Variants in FERRY3 observed in about 807,000 individuals in gnomAD.
The protein encoded by FERRY3 is protein C12orf4.
the FERRY3 span, among the ~76,000 whole-genome samples, chr12:4,535,537 A>T: frequency 6.6e-6 from 1 of 152,244 alleles, no homozygotes; most frequent in Non-Finnish European, 1.5e-5. This position sits in a 1 kb window ranked among gnomAD's most constrained non-coding sequence, Gnocchi z 4.0. Flanking sequence ...AGACTGTGAG[A>T]TAGAGCACAG....
At chr12:4,492,212 C>T in the FERRY3 span, among the ~76,000 whole-genome samples, 1 of 151,900 alleles carries the variant, frequency 6.6e-6, no homozygotes, top group African/African-American at 2.4e-5. Context: ...TGAAAAATAA[C>T]TATTTTCTAA....
chr12:4,537,831 A>T, the FERRY3 span, among the ~76,000 whole-genome samples: 1 of 152,214 alleles, frequency 6.6e-6, no homozygotes, highest in Non-Finnish European at 1.5e-5. Flanking sequence ...TTTCATTCCT[A>T]AGTATATATC....
chr12:4,515,064 AAAACTT>A, the FERRY3 span, among the ~76,000 whole-genome samples: 2 of 151,920 alleles, frequency 1.3e-5, no homozygotes, highest in Non-Finnish European at 2.9e-5. Context: ...CATGTACCCT[AAAACTT>A]AAAGTATAAT....
At chr12:4,507,271 T>A in the FERRY3 span, among the ~76,000 whole-genome samples, 2 of 152,170 alleles carry the variant, frequency 1.3e-5, no homozygotes, top group African/African-American at 4.8e-5. Flanking sequence ...GGATATGAGT[T>A]CTTTTTGCGA....
the FERRY3 span, chr12:4,488,530 T>C: frequency 6.6e-6 from 1 of 152,178 alleles, no homozygotes; most frequent in African/African-American, 2.4e-5. The surrounding 1 kb of genome is among the most constrained non-coding windows in gnomAD (Gnocchi z 4.9). Context: ...CTGGAGTGGG[T>C]GTTCTTAGGG....
chr12:4,508,743 C>CA, the FERRY3 span: 5,623 of 130,628 alleles, frequency 0.043, 335 homozygotes, highest in African/African-American at 0.14. Context: ...GACTCTGTCT[C>CA]AAAAAAAAAA....
the FERRY3 span, among the ~76,000 whole-genome samples, chr12:4,495,817 AG>A: frequency 6.6e-6 from 1 of 152,206 alleles, no homozygotes; most frequent in Non-Finnish European, 1.5e-5. Context: ...ATACAAATTA[AG>A]AACTTCACAC....
the FERRY3 span, among the ~76,000 whole-genome samples, chr12:4,514,610 T>G: frequency 1.3e-4 from 19 of 151,230 alleles, no homozygotes; most frequent in African/African-American, 4.1e-4. Context: ...ATGGATGAAA[T>G]TGGAAATCAT....
chr12:4,518,721 A>T, the FERRY3 span: 3 of 1,004,434 alleles, frequency 3.0e-6, no homozygotes, highest in Non-Finnish European at 4.4e-6. Flanking sequence ...TAATTAAAAA[A>T]TAGTTTCAGA....
At chr12:4,507,237 A>G in the FERRY3 span, among the ~76,000 whole-genome samples, 12 of 152,176 alleles carry the variant, frequency 7.9e-5, no homozygotes, top group Non-Finnish European at 8.8e-5. Context: ...GTACGAGAAG[A>G]AGGAAGCTAT....
the FERRY3 span, among the ~76,000 whole-genome samples, chr12:4,510,097 T>C: frequency 2.9e-5 from 4 of 139,818 alleles, no homozygotes; most frequent in Non-Finnish European, 6.1e-5. Context: ...ACGTGAAGAA[T>C]GCAGAAGCCT....
chr12:4,516,259 A>T, the FERRY3 span, among the ~76,000 whole-genome samples: 8 of 152,220 alleles, frequency 5.3e-5, no homozygotes, highest in Admixed American at 5.2e-4. Context: ...CTTCAAGTAT[A>T]ACTATAGTAC....
the FERRY3 span, among the ~76,000 whole-genome samples, chr12:4,537,390 A>G: frequency 6.6e-6 from 1 of 152,212 alleles, no homozygotes; most frequent in Non-Finnish European, 1.5e-5. Flanking sequence ...TCTTGGCTAG[A>G]AAACAGTCTT....
the FERRY3 span, chr12:4,517,101 A>G: frequency 6.3e-7 from 1 of 1,594,548 alleles, no homozygotes; most frequent in South Asian, 1.2e-5. Context: ...GGGTTCTAGC[A>G]TAAAGTACCA....
chr12:4,498,985 A>T, the FERRY3 span, among the ~76,000 whole-genome samples: 1 of 152,142 alleles, frequency 6.6e-6, no homozygotes, highest in African/African-American at 2.4e-5. Flanking sequence ...GCAGTTTGGG[A>T]GCCCTGTTAT....
chr12:4,530,611 C>T, the FERRY3 span, among the ~76,000 whole-genome samples: 1 of 152,146 alleles, frequency 6.6e-6, no homozygotes, highest in Non-Finnish European at 1.5e-5. Context: ...ATACCTATAT[C>T]AAGATAAATG....
At chr12:4,516,931 TAAAA>T in the FERRY3 span, 5 of 939,686 alleles carry the variant, frequency 5.3e-6, no homozygotes, top group African/African-American at 7.0e-5. Context: ...AGAAAAAACT[TAAAA>T]AAATCTTAAT....
At chr12:4,525,658 ATCTCTAT>A in the FERRY3 span, 2 of 1,060,012 alleles carry the variant, frequency 1.9e-6, no homozygotes, top group Non-Finnish European at 2.8e-6. Flanking sequence ...TCATCAAACA[ATCTCTAT>A]AAAGTGAAAA....
chr12:4,518,310 T>TTATACTG, the FERRY3 span: 1 of 1,482,542 alleles, frequency 6.7e-7, no homozygotes, highest in Non-Finnish European at 9.4e-7. Flanking sequence ...GAAAGTCCAG[T>TTATACTG]ATAACAAGAT....
Sources: gnomAD v4.1 joint callset for allele counts (sites outside exome capture counted in the v4.1 genomes callset) on GRCh38, gnomAD v4.1.1 for gene constraint, Gnocchi (gnomAD v3.1) non-coding constraint, MANE v1.5 for transcripts, NCBI Gene and HGNC (gene_info 2026-07-23, HGNC 2026-07-21) for gene names.